STK38L: variants seen among roughly 807,000 people sequenced by gnomAD.
STK38L encodes the protein serine/threonine kinase 38 like, also known as serine/threonine-protein kinase 38-like.
STK38L carries 28 observed loss-of-function variants against 59.7 expected under a neutral mutation model. The ratio of observed to expected loss-of-function variants is 0.47; its 90% confidence interval spans 0.35 to 0.64. The LOEUF (loss-of-function observed/expected upper bound fraction) is 0.64. Among genes scored for constraint, STK38L ranks in the 30% least tolerant of loss-of-function variants. STK38L has a pLI of 0.01. For missense variants in STK38L, 314 were observed against 555.8 expected, an observed-to-expected ratio of 0.56 and a Z score of 4.37; for synonymous variants, 162 against 176.8, an observed-to-expected ratio of 0.92 and a Z score of 0.66.
intron 1 of STK38L, among the ~76,000 whole-genome samples, chr12:27,279,820 A>T (rs1943615311): frequency 6.6e-6 from 1 of 151,562 alleles, no homozygotes; most frequent in Admixed American, 6.6e-5. Context: ...AAAGAGCTTG[A>T]TGCTTTCTAG....
At chr12:27,300,031 T>A (rs1348953812) in intron 2 of STK38L, among the ~76,000 whole-genome samples, 1 of 152,158 alleles carries the variant, frequency 6.6e-6, no homozygotes, top group Non-Finnish European at 1.5e-5. Context: ...AAAAAATTCA[T>A]CAGAATTTCG....
chr12:27,284,417 A>G (rs535367321), intron 1 of STK38L, among the ~76,000 whole-genome samples: 16 of 152,340 alleles, frequency 1.1e-4, no homozygotes, highest in Admixed American at 8.5e-4. Context: ...CTCTCACTTA[A>G]TGACAGATAA....
At chr12:27,244,608 C>T (rs927212535) in intron 1 of STK38L, among the ~76,000 whole-genome samples, 3 of 152,176 alleles carry the variant, frequency 2.0e-5, no homozygotes, top group Admixed American at 6.5e-5. Context: ...CTCCCCGGCC[C>T]CCGAGCACTC....
intron 1 of STK38L, among the ~76,000 whole-genome samples, chr12:27,276,147 G>C (rs142438543): frequency 6.6e-6 from 1 of 152,194 alleles, no homozygotes; most frequent in Admixed American, 6.5e-5. Flanking sequence ...AGAGTAAACT[G>C]TACCTCCCTG....
chr12:27,297,610 T>C, intron 1 of STK38L, 100 bp from the exon 2 acceptor site: 1 of 1,271,918 alleles, frequency 7.9e-7, no homozygotes, highest in South Asian at 1.6e-5. Context: ...ACTGTTAGGG[T>C]CGAATTTTTC....
chr12:27,277,766 T>C (rs1943569076), intron 1 of STK38L, among the ~76,000 whole-genome samples: 1 of 152,176 alleles, frequency 6.6e-6, no homozygotes, highest in Non-Finnish European at 1.5e-5. Flanking sequence ...GATATAGTGC[T>C]TATCCTGTTT....
At chr12:27,268,253 G>A (rs1445353672) in intron 1 of STK38L, among the ~76,000 whole-genome samples, 1 of 151,964 alleles carries the variant, frequency 6.6e-6, no homozygotes, top group Non-Finnish European at 1.5e-5. Context: ...ATCTCCTAAC[G>A]CTATCCCTCC....
chr12:27,270,437 G>A (rs999670532), intron 1 of STK38L, among the ~76,000 whole-genome samples: 1 of 152,034 alleles, frequency 6.6e-6, no homozygotes, highest in African/African-American at 2.4e-5. Flanking sequence ...GAGTGCAGTG[G>A]CGTGATCTCA....
At chr12:27,296,356 A>G (rs1015240045) in intron 1 of STK38L, among the ~76,000 whole-genome samples, 3 of 152,192 alleles carry the variant, frequency 2.0e-5, no homozygotes, top group African/African-American at 7.2e-5. Flanking sequence ...ATGCCAAAAT[A>G]ATAGATGCAG....
chr12:27,300,068 G>A (rs943317741), intron 2 of STK38L, among the ~76,000 whole-genome samples: 13 of 152,148 alleles, frequency 8.5e-5, no homozygotes, highest in African/African-American at 3.1e-4. Flanking sequence ...ACTTGCTGCA[G>A]TGTTAAAGTA....
chr12:27,260,950 A>G (rs1407154186), intron 1 of STK38L, among the ~76,000 whole-genome samples: 2 of 152,212 alleles, frequency 1.3e-5, no homozygotes, highest in African/African-American at 4.8e-5. Context: ...CAGATGACTC[A>G]TCTTTCTTTT....
chr12:27,265,278 G>A (rs1432261782), intron 1 of STK38L, among the ~76,000 whole-genome samples: 6 of 152,122 alleles, frequency 3.9e-5, no homozygotes, highest in Non-Finnish European at 7.4e-5. Flanking sequence ...ATGTGTGTAT[G>A]TGTGTGTATA....
Position 27,324,529 on chromosome 12 carries a change from A to T in STK38L, c.*2074A>T, listed in dbSNP as rs1944798770. ...TGATAAAAAGAAACTGATTTACCTA[A>T]GTTTACTTTTTAATTGCATAATAGA... On this transcript the variant is annotated 3_prime_UTR_variant, in exon 14 of 14. Coordinates refer to ENST00000389032, the MANE Select transcript of STK38L (RefSeq NM_015000.4). 1 of 152,074 alleles carries T rather than the reference A, an allele frequency of 6.6e-6. No homozygotes were observed. Among genetic ancestry groups the T allele is most frequent in the South Asian group, 2.1e-4 (1 of 4,834 alleles). The allele number at this position is 152,074 out of a possible 1,614,324, so 9.4% of individuals were successfully genotyped here. A position where few individuals can be genotyped will look rare whatever the true frequency, so the allele number is the denominator to read the frequency against.
intron 1 of STK38L, among the ~76,000 whole-genome samples, chr12:27,292,378 TGTTTTTAAAGCTA>T (rs1344136956): frequency 5.3e-5 from 8 of 151,272 alleles, no homozygotes; most frequent in Non-Finnish European, 8.8e-5. Flanking sequence ...AAGCTAATCT[TGTTTTTAAAGCTA>T]ATCTTTAAAG....
At chr12:27,287,243 C>G (rs1378685817) in intron 1 of STK38L, among the ~76,000 whole-genome samples, 3 of 151,952 alleles carry the variant, frequency 2.0e-5, no homozygotes, top group African/African-American at 7.3e-5. Context: ...GTAGCTAGGA[C>G]TACAGGCGCA....
At chr12:27,277,426 G>A (rs1470580024) in intron 1 of STK38L, among the ~76,000 whole-genome samples, 2 of 151,252 alleles carry the variant, frequency 1.3e-5, no homozygotes, top group Non-Finnish European at 2.9e-5. Flanking sequence ...ACACACAGCA[G>A]TAGGAGGACT....
At chr12:27,297,933 T>C (rs1944066670) in intron 2 of STK38L, 79 bp downstream of exon 2, 3 of 1,512,636 alleles carry the variant, frequency 2.0e-6, no homozygotes, top group African/African-American at 2.8e-5. Flanking sequence ...TTGTTTACCA[T>C]GAATGATATG....
In STK38L at chr12:27,314,899, T is replaced by C. The variant is rs1944548669; in HGVS notation, c.673-116T>C. The C allele has an allele frequency of 6.7e-6, 6 of 901,176 alleles. No individual in the cohort carries two copies. In the African/African-American group the frequency reaches 1.0e-4, roughly 15 times the overall value. 55.8% of individuals were successfully genotyped at this position (901,176 alleles called of 1,614,324 possible). ...GATACTTAAAATTTTACATTTTACG[T>C]GTATAAATCCCAAGCTAAGAATTTT... On this transcript the variant is annotated intron_variant, in intron 7 of 13. Transcript: ENST00000389032.
intron 1 of STK38L, among the ~76,000 whole-genome samples, chr12:27,290,922 G>A (rs1181652147): frequency 2.6e-5 from 4 of 152,142 alleles, no homozygotes. Flanking sequence ...AGGCTACCAG[G>A]TTGTAATCTC....
Sources: gnomAD v4.1 joint callset for allele counts (sites outside exome capture counted in the v4.1 genomes callset) on GRCh38, gnomAD v4.1.1 for gene constraint, MANE v1.5 for transcripts, NCBI Gene and HGNC (gene_info 2026-07-23, HGNC 2026-07-21) for gene names.